The following SLC5A4 variants were observed in gnomAD, a reference collection of about 807,000 sequenced individuals.
SLC5A4 encodes the protein solute carrier family 5 member 4, also known as probable glucose sensor protein SLC5A4.
Under a neutral mutation model 70.3 loss-of-function variants are expected in SLC5A4, and 55 were observed. The ratio of observed to expected loss-of-function variants is 0.78; its 90% confidence interval spans 0.63 to 0.98. SLC5A4 has a LOEUF of 0.98. Ranked by LOEUF, SLC5A4 falls within the 50% of genes least tolerant of loss-of-function variation. The pLI, the probability that SLC5A4 is intolerant of heterozygous loss-of-function variation, is 0.00. For synonymous variants in SLC5A4, 268 were observed against 305.7 expected (o/e 0.88, Z 1.29); for missense variants, 735 against 839.2 (o/e 0.88, Z 1.53).
the SLC5A4 span, among the ~76,000 whole-genome samples, chr22:32,282,558 A>C: frequency 2.6e-5 from 4 of 152,096 alleles, no homozygotes; most frequent in Non-Finnish European, 5.9e-5. Flanking sequence ...TACTGATCTC[A>C]TCCTGCCTTG....
chr22:32,244,454 T>C (rs1926708271), intron 5 of SLC5A4, among the ~76,000 whole-genome samples: 1 of 152,246 alleles, frequency 6.6e-6, no homozygotes, highest in Non-Finnish European at 1.5e-5. Flanking sequence ...TTCTTTGACC[T>C]TTGTTTCTAT....
the SLC5A4 span, among the ~76,000 whole-genome samples, chr22:32,333,008 T>C: frequency 3.3e-5 from 5 of 152,170 alleles, no homozygotes; most frequent in African/African-American, 1.2e-4. Context: ...ATTAGCCAGA[T>C]AGAAAGTCAA....
At chr22:32,250,046 G>C (rs76562857) in intron 3 of SLC5A4, among the ~76,000 whole-genome samples, 2,143 of 152,220 alleles carry the variant, frequency 0.014, 19 homozygotes, top group South Asian at 0.026. Context: ...CACATAGTGG[G>C]GACTCAGGGA....
chr22:32,309,483 T>C, the SLC5A4 span, among the ~76,000 whole-genome samples: 7 of 152,258 alleles, frequency 4.6e-5, no homozygotes, highest in East Asian at 1.9e-4. Context: ...CCGGTAACTC[T>C]AGAAATCTAT....
chr22:32,248,773 C>G lies in SLC5A4; in HGVS notation c.342G>C (p.Trp114Cys). The G allele has an allele frequency of 6.2e-7, 1 of 1,613,294 alleles. No individual in the cohort carries two copies. Among genetic ancestry groups the G allele is most frequent in the Non-Finnish European group, 8.5e-7 (1 of 1,179,302 alleles). Residue 114 changes from tryptophan (W) to cysteine (C), a missense_variant, in exon 4 of 15, where the codon TGG (tryptophan) becomes TGC (cysteine). Physicochemically the swap from Trp to Cys is radical, Grantham distance 215 (BLOSUM62 -2). Coordinates refer to ENST00000266086, the MANE Select transcript of SLC5A4 (RefSeq NM_014227.3). ...TSSVMLLILGWIFVPIYIKSG... is the reference protein window; with the variant it reads ...TSSVMLLILGCIFVPIYIKSG... ...ACTTGATGTAGATAGGGACAAAGAT[C>G]CACCCAAGAATCAGCAACATTACTG...
the SLC5A4 span, among the ~76,000 whole-genome samples, chr22:32,335,782 A>G: frequency 1.4e-5 from 2 of 145,456 alleles, no homozygotes; most frequent in African/African-American, 2.6e-5. Flanking sequence ...CTCACGGCTG[A>G]AGGGGTCAGG....
the SLC5A4 span, among the ~76,000 whole-genome samples, chr22:32,289,434 A>C: frequency 6.6e-6 from 1 of 152,132 alleles, no homozygotes; most frequent in Non-Finnish European, 1.5e-5. Context: ...AGAGTGAGTG[A>C]GTTCTCAGGA....
At chr22:32,312,550 T>C in the SLC5A4 span, among the ~76,000 whole-genome samples, 1 of 152,008 alleles carries the variant, frequency 6.6e-6, no homozygotes, top group Non-Finnish European at 1.5e-5. Context: ...GAGGCCACAA[T>C]GAGTCACCTC....
chr22:32,313,097 TAC>T, the SLC5A4 span, among the ~76,000 whole-genome samples: 1 of 152,160 alleles, frequency 6.6e-6, no homozygotes, highest in African/African-American at 2.4e-5. Flanking sequence ...GAACCAAAAT[TAC>T]AGTTAATTGT....
chr22:32,340,807 T>C, the SLC5A4 span, among the ~76,000 whole-genome samples: 113 of 152,142 alleles, frequency 7.4e-4, no homozygotes, highest in South Asian at 3.1e-3. Flanking sequence ...AGGAAAGCAT[T>C]TTGATTCCTA....
chr22:32,239,136 C>T (rs765767634), intron 5 of SLC5A4, 46 bp from the exon 6 acceptor site: 1 of 1,392,008 alleles, frequency 7.2e-7, no homozygotes, highest in South Asian at 1.2e-5. Flanking sequence ...GCATTTGAGG[C>T]CACTGGCTTC....
intron 10 of SLC5A4, 84 bp downstream of exon 10, chr22:32,230,884 G>C: frequency 1.3e-6 from 1 of 779,788 alleles, no homozygotes; most frequent in Non-Finnish European, 2.2e-6. Flanking sequence ...ATTAATGGAA[G>C]GTGCAAGAAT....
chr22:32,340,930 T>A, the SLC5A4 span, among the ~76,000 whole-genome samples: 2 of 152,102 alleles, frequency 1.3e-5, no homozygotes, highest in Non-Finnish European at 2.9e-5. Flanking sequence ...GCTGCCTCCA[T>A]CCTGGCCAAA....
the SLC5A4 span, among the ~76,000 whole-genome samples, chr22:32,304,239 G>GCC: frequency 6.6e-6 from 1 of 152,094 alleles, no homozygotes; most frequent in Non-Finnish European, 1.5e-5. Context: ...TGATTCTCCT[G>GCC]CCTCAGCCTC....
chr22:32,251,684 G>T, intron 3 of SLC5A4, 86 bp downstream of exon 3: 2 of 857,880 alleles, frequency 2.3e-6, no homozygotes, highest in Non-Finnish European at 4.0e-6. Flanking sequence ...TATCCAGCCT[G>T]TGATATTCTG....
chr22:32,236,169 A>G (rs1333051316), intron 7 of SLC5A4, among the ~76,000 whole-genome samples: 2 of 152,232 alleles, frequency 1.3e-5, no homozygotes, highest in African/African-American at 4.8e-5. Flanking sequence ...TGCTAACAAT[A>G]GCACTGTGCA....
Position 32,235,575 on chromosome 22 carries a change from C to A in SLC5A4, c.665-482G>T, listed in dbSNP as rs568669739. Among the ~76,000 whole-genome samples, 3 of 152,196 alleles carry A rather than the reference C, an allele frequency of 2.0e-5. No individual in the cohort carries two copies. In the South Asian group the frequency reaches 6.2e-4, roughly 32 times the overall value. On this transcript the variant is annotated intron_variant, in intron 7 of 14. Coordinates refer to ENST00000266086, the MANE Select transcript of SLC5A4 (RefSeq NM_014227.3). ...TTACTTGCAATCTGGTTTTCTGGTG[C>A]AACACTATATTTTGCCTGTTACAAT... is the stretch of plus-strand genomic sequence containing the variant.
intron 7 of SLC5A4, 129 bp downstream of exon 7, chr22:32,237,114 AT>A: frequency 1.4e-6 from 1 of 696,838 alleles, no homozygotes; most frequent in Non-Finnish European, 2.6e-6. Flanking sequence ...AGTGATGGGG[AT>A]TATGTAAATG....
At chr22:32,310,344 C>T in the SLC5A4 span, among the ~76,000 whole-genome samples, 1 of 152,172 alleles carries the variant, frequency 6.6e-6, no homozygotes, top group Non-Finnish European at 1.5e-5. Flanking sequence ...ACAGACCTTG[C>T]CTGAGGTCCC....
Sources: gnomAD v4.1 joint callset for allele counts (sites outside exome capture counted in the v4.1 genomes callset) on GRCh38, gnomAD v4.1.1 for gene constraint, MANE v1.5 for transcripts, NCBI Gene and HGNC (gene_info 2026-07-23, HGNC 2026-07-21) for gene names.